Variants in MAX observed in about 807,000 individuals in gnomAD.
MAX encodes protein max.
MAX carries 3 observed loss-of-function variants against 22.3 expected under a neutral mutation model. The ratio of observed to expected loss-of-function variants is 0.13; its 90% CI spans 0.06 to 0.35. The LOEUF is 0.35. Among genes scored for constraint, MAX ranks in the 10% least tolerant of loss-of-function variants. MAX has a pLI of 1.00. For synonymous variants in MAX, 72 were observed against 77.7 expected (o/e 0.93, Z 0.39); for missense variants, 119 against 209.4 (o/e 0.57, Z 2.66).
intron 3 of MAX, among the ~76,000 whole-genome samples, chr14:65,025,023 G>A (rs1364012281): frequency 1.3e-5 from 2 of 152,178 alleles, no homozygotes; most frequent in East Asian, 3.8e-4. Flanking sequence ...GTAGTTCATA[G>A]TCAACTTGCC....
chr14:65,084,256 CG>C lies in MAX; in HGVS notation c.172-6221del, dbSNP rs763716660. The C allele has an allele frequency of 6.2e-7, 1 of 1,613,296 alleles. No homozygotes were observed. Among genetic ancestry groups the C allele is most frequent in the African/African-American group, 1.3e-5 (1 of 74,766 alleles). On this transcript the variant is annotated intron_variant, in intron 3 of 4. Transcript: ENST00000358664. This position sits in a 1 kb window ranked among gnomAD's most constrained non-coding sequence, Gnocchi z 4.3. ...GTGGCATTTCTGCATCAAACTTTGACGATGAAGGACAGGAGTACACAATTTC... is the reference window on the plus strand; with the variant it reads ...GTGGCATTTCTGCATCAAACTTTGACATGAAGGACAGGAGTACACAATTTC...
chr14:65,080,743 G>A (rs985402109), intron 3 of MAX, among the ~76,000 whole-genome samples: 1 of 152,124 alleles, frequency 6.6e-6, no homozygotes, highest in African/African-American at 2.4e-5. Flanking sequence ...TTCCCAGAAG[G>A]CAACATTAGC....
rs1008849391 is a variant in MAX, at chr14:65,023,839, G to A, written c.172-17555C>T. On this transcript the variant is annotated intron_variant, in intron 3 of 3. Coordinates refer to the MAX transcript ENST00000341653. The surrounding 1 kb of genome is among the most constrained non-coding windows in gnomAD (Gnocchi z 4.1). ...CTCTCAGCCGGGCATGGTGGCTCAC[G>A]CCTGTAATCCTAGCACTTTGGGAGG... Among the ~76,000 whole-genome samples the A allele has an allele frequency of 5.9e-5, 9 of 152,092 alleles. No individual in the cohort carries two copies. The highest frequency in any genetic ancestry group is 1.3e-4 in the Non-Finnish European group (9 of 68,020).
intron 3 of MAX, among the ~76,000 whole-genome samples, chr14:65,022,460 A>G (rs2061907444): frequency 6.6e-6 from 1 of 152,016 alleles, no homozygotes; most frequent in Non-Finnish European, 1.5e-5. Context: ...TGTTTATGTA[A>G]TTATCCTTTG....
At chr14:65,052,436 T>C (rs73270842) in intron 3 of MAX, among the ~76,000 whole-genome samples, 1,760 of 152,294 alleles carry the variant, frequency 0.012, 28 homozygotes, top group African/African-American at 0.04. Flanking sequence ...AAATATAAAA[T>C]TGACCAAGGA....
At position 65,012,481 on chromosome 14, in the gene MAX, C is replaced by G; in HGVS notation, c.172-6197G>C. 6.6e-7 allele frequency: 1 copy of G among 1,521,216 alleles called. No homozygotes were observed. The highest frequency in any genetic ancestry group is 2.4e-5 in the East Asian group (1 of 42,244). The allele number at this position is 1,521,216 out of a possible 1,614,324, so 94.2% of individuals were successfully genotyped here. The stretch of plus-strand genomic sequence containing the variant: ...AAACGTAAAAGACTGTTGGGGCTGA[C>G]CTGTTGCAGAGTCACTCTTTGTTCT... On this transcript the variant is annotated intron_variant, in intron 3 of 3. Transcript: ENST00000341653. The surrounding 1 kb of genome is among the most constrained non-coding windows in gnomAD (Gnocchi z 5.0).
At chr14:65,097,089 G>A (rs1441680726) in intron 2 of MAX, among the ~76,000 whole-genome samples, 1 of 152,194 alleles carries the variant, frequency 6.6e-6, no homozygotes, top group Non-Finnish European at 1.5e-5. Context: ...TGACATCTCT[G>A]CCAAAGTTTT....
Position 65,093,626 on chromosome 14 carries a change from C to T in MAX, c.171+82G>A. 1.2e-6 allele frequency: 1 copy of T among 807,632 alleles called. No homozygotes were observed. The highest frequency in any genetic ancestry group is 2.2e-6 in the Non-Finnish European group (1 of 447,874). The allele number at this position is 807,632 out of a possible 1,614,324, so 50.0% of individuals were successfully genotyped here. A position where few individuals can be genotyped will look rare whatever the true frequency, so the allele number is the denominator to read the frequency against. ...AATATCTCTGACTACATTTCCTTCC[C>T]AATAGGTGAGTGCTCTGCTAAGCTC... On this transcript the variant is annotated intron_variant, in intron 3 of 4. Coordinates refer to ENST00000358664, the MANE Select transcript of MAX (RefSeq NM_002382.5). The surrounding 1 kb of genome is among the most constrained non-coding windows in gnomAD (Gnocchi z 4.4).
At chr14:65,053,851 G>A (rs2062669313) in intron 3 of MAX, among the ~76,000 whole-genome samples, 1 of 152,058 alleles carries the variant, frequency 6.6e-6, no homozygotes, top group African/African-American at 2.4e-5. Flanking sequence ...ACGTCCTGCT[G>A]CTCTTGGCAT....
At chr14:65,013,987 T>C (rs1416372397) in intron 3 of MAX, among the ~76,000 whole-genome samples, 2 of 152,248 alleles carry the variant, frequency 1.3e-5, no homozygotes, top group Admixed American at 6.5e-5. Flanking sequence ...GGATTCAAAC[T>C]TAAGCTGCAT....
chr14:65,012,273 G>A lies in MAX; in HGVS notation c.172-5989C>T, dbSNP rs992307741. On this transcript the variant is annotated intron_variant, in intron 3 of 3. Coordinates refer to the MAX transcript ENST00000341653. This position sits in a 1 kb window ranked among gnomAD's most constrained non-coding sequence, Gnocchi z 5.0. ...GTGCACATACGTGTGTATGGTGGAA[G>A]CATAAGCTATTAGAATGGGCTTATA... 2 of 1,610,722 alleles carry A rather than the reference G, an allele frequency of 1.2e-6. No homozygotes were observed. The highest frequency in any genetic ancestry group is 1.7e-4 in the Middle Eastern group (1 of 6,056).
intron 3 of MAX, among the ~76,000 whole-genome samples, chr14:65,015,164 G>T (rs2061746436): frequency 6.7e-6 from 1 of 150,370 alleles, no homozygotes; most frequent in African/African-American, 2.4e-5. Context: ...GTGCAGTGGT[G>T]CCATCTCGGC....
chr14:65,093,089 T>G lies in MAX; in HGVS notation c.171+619A>C, dbSNP rs894705170. Among the ~76,000 whole-genome samples, 1 of 152,214 alleles carries G rather than the reference T, an allele frequency of 6.6e-6. No homozygotes were observed. Among genetic ancestry groups the G allele is most frequent in the Non-Finnish European group, 1.5e-5 (1 of 68,034 alleles). ...TGTAGAAACAGCTGGTGCCTAGCCCTCCAGGGAAAACACTAGGTTCCAGAA... is the reference window on the plus strand; with the variant it reads ...TGTAGAAACAGCTGGTGCCTAGCCCGCCAGGGAAAACACTAGGTTCCAGAA... On this transcript the variant is annotated intron_variant, in intron 3 of 4. Coordinates refer to ENST00000358664, the MANE Select transcript of MAX (RefSeq NM_002382.5). This position sits in a 1 kb window ranked among gnomAD's most constrained non-coding sequence, Gnocchi z 4.4.
Position 65,075,467 on chromosome 14 carries a change from T to C in MAX, c.*1009A>G, listed in dbSNP as rs1212734276. On this transcript the variant is annotated 3_prime_UTR_variant, in exon 5 of 5. Coordinates refer to ENST00000358664, the MANE Select transcript of MAX (RefSeq NM_002382.5). The surrounding 1 kb of genome is among the most constrained non-coding windows in gnomAD (Gnocchi z 4.1). ...GGTCCGCACTGGGGTGCGGGTTTAG[T>C]ACCAGGTAAATTGCTCTTGGTATTT... The C allele has an allele frequency of 9.4e-7, 1 of 1,064,046 alleles. No individual in the cohort carries two copies. Among genetic ancestry groups the C allele is most frequent in the Non-Finnish European group, 1.1e-6 (1 of 878,338 alleles). 65.9% of individuals were successfully genotyped at this position (1,064,046 alleles called of 1,614,324 possible). A position where few individuals can be genotyped will look rare whatever the true frequency, so the allele number is the denominator to read the frequency against.
At chr14:65,020,542 C>T (rs1018561469) in intron 3 of MAX, among the ~76,000 whole-genome samples, 17 of 152,168 alleles carry the variant, frequency 1.1e-4, no homozygotes, top group Non-Finnish European at 1.9e-4. Context: ...TCTCCTGCCT[C>T]GGCCTCCCGA....
intron 3 of MAX, among the ~76,000 whole-genome samples, chr14:65,024,932 T>C (rs2061953004): frequency 1.3e-5 from 2 of 152,174 alleles, no homozygotes; most frequent in Admixed American, 1.3e-4. Context: ...TTTTTTTGTT[T>C]GTTTGTTTTT....
At chr14:65,094,412 G>A (rs912740750) in intron 2 of MAX, among the ~76,000 whole-genome samples, 1 of 152,230 alleles carries the variant, frequency 6.6e-6, no homozygotes, top group African/African-American at 2.4e-5. Context: ...TTATGACAGA[G>A]CTGATAAGAT....
chr14:65,021,730 C>T (rs1321878623), intron 3 of MAX, among the ~76,000 whole-genome samples: 1 of 152,192 alleles, frequency 6.6e-6, no homozygotes, highest in Non-Finnish European at 1.5e-5. Flanking sequence ...ACTGCAACTT[C>T]CACCTTCCGG....
At chr14:65,034,017 A>G (rs8006419) in intron 3 of MAX, among the ~76,000 whole-genome samples, 91,791 of 152,092 alleles carry the variant, frequency 0.6, 29,200 homozygotes, top group African/African-American at 0.81. Flanking sequence ...TGCTGAGATC[A>G]TGTTTACTTT....
Sources: allele counts gnomAD v4.1 joint callset (sites outside exome capture counted in the v4.1 genomes callset), GRCh38; gene constraint gnomAD v4.1.1; non-coding constraint Gnocchi (gnomAD v3.1); transcripts MANE v1.5; gene names NCBI Gene and HGNC (gene_info 2026-07-23, HGNC 2026-07-21).